The following TRAPPC10 variants were observed in gnomAD, a reference collection of about 807,000 sequenced individuals.
TRAPPC10 encodes the protein TRAPP 130 kDa subunit.
Under a neutral mutation model 125.5 loss-of-function variants are expected in TRAPPC10, and 23 were observed. That is an observed-to-expected ratio of 0.18 (90% confidence interval 0.13 to 0.26). The LOEUF (loss-of-function observed/expected upper bound fraction) is 0.26, where lower values mean the gene tolerates loss of function less well. Ranked by LOEUF, TRAPPC10 falls within the 10% of genes least tolerant of loss-of-function variation. The pLI is 1.00. For synonymous variants in TRAPPC10, 509 were observed against 518.0 expected, an observed-to-expected ratio of 0.98 and a Z score of 0.24; for missense variants, 1,123 against 1,308.4, an observed-to-expected ratio of 0.86 and a Z score of 2.19.
chr21:44,045,532 C>G (rs569546401), intron 3 of TRAPPC10, among the ~76,000 whole-genome samples: 4 of 151,344 alleles, frequency 2.6e-5, no homozygotes, highest in African/African-American at 9.7e-5. Context: ...GGCTTTTTTT[C>G]TTTGCATTTT....
chr21:44,085,708 TA>T (rs11417649), intron 15 of TRAPPC10, among the ~76,000 whole-genome samples: 173 of 145,298 alleles, frequency 1.2e-3, no homozygotes, highest in Middle Eastern at 3.6e-3. Context: ...CTCCATCTCT[TA>T]AAAAAAAAAA....
At chr21:44,026,708 G>A (rs2256441) in intron 1 of TRAPPC10, among the ~76,000 whole-genome samples, 52,694 of 152,122 alleles carry the variant, frequency 0.35, 13,252 homozygotes, top group African/African-American at 0.71. Flanking sequence ...ATAGAATCAT[G>A]GAACCTTGCT....
chr21:44,037,393 C>T (rs781110965), intron 2 of TRAPPC10, among the ~76,000 whole-genome samples: 13 of 152,170 alleles, frequency 8.5e-5, no homozygotes, highest in Non-Finnish European at 1.6e-4. Flanking sequence ...AATACGAATG[C>T]AACCCTAAAG....
intron 17 of TRAPPC10, chr21:44,089,378 C>G (rs1196686963): frequency 2.7e-6 from 1 of 368,924 alleles, no homozygotes; most frequent in African/African-American, 2.1e-5. Flanking sequence ...ACATATTCAG[C>G]CTCACATGGA....
intron 1 of TRAPPC10, among the ~76,000 whole-genome samples, chr21:44,015,449 G>A (rs1410376449): frequency 1.3e-5 from 2 of 151,816 alleles, no homozygotes; most frequent in Admixed American, 6.6e-5. Context: ...ATGGGGTCTC[G>A]CTCTGTCACC....
At chr21:44,020,977 A>G (rs1601554800) in intron 1 of TRAPPC10, among the ~76,000 whole-genome samples, 1 of 152,224 alleles carries the variant, frequency 6.6e-6, no homozygotes, top group Non-Finnish European at 1.5e-5. Flanking sequence ...GTTCACATGG[A>G]AGCAGGGAGT....
At position 44,013,150 on chromosome 21, in the gene TRAPPC10, C is replaced by G. The variant is rs543283960; in HGVS notation, c.67+590C>G. Among the ~76,000 whole-genome samples the G allele has an allele frequency of 9.2e-5, 14 of 151,866 alleles. No homozygotes were observed. In the South Asian group the frequency reaches 1.9e-3, roughly 20 times the overall value. On this transcript the variant is annotated intron_variant, in intron 1 of 22. Coordinates refer to ENST00000291574, the MANE Select transcript of TRAPPC10 (RefSeq NM_003274.5). ...GCCGAGGCTCGGGCGCTTAGGCGAG[C>G]TTGCTCCCCATGAACAGCCTCCCGC...
intron 3 of TRAPPC10, chr21:44,046,331 G>T: frequency 3.9e-6 from 1 of 258,186 alleles, no homozygotes; most frequent in Non-Finnish European, 8.5e-6. Flanking sequence ...TGAGAAACAA[G>T]GAATCCAGGC....
At chr21:44,079,726 A>G (rs1369140557) in intron 12 of TRAPPC10, 22 bp downstream of exon 12, 1 of 1,593,800 alleles carries the variant, frequency 6.3e-7, no homozygotes, top group Non-Finnish European at 8.5e-7. Context: ...TGTTTTCATG[A>G]AGCAGGAAAA....
In TRAPPC10 at chr21:44,080,087, G is replaced by C. The variant is rs761736757; in HGVS notation, c.1683G>C (p.Gln561His). ...LTEEERKHFC[Q>H]EILDFASQPS... ...AAGAGGAGCGCAAGCACTTCTGCCA[G>C]GAGATACTTGACTTTGCCAGCCAGC... Residue 561 changes from glutamine (Q) to histidine (H), a missense_variant, in exon 13 of 23, where the codon CAG becomes CAC. Coordinates refer to ENST00000291574, the MANE Select transcript of TRAPPC10 (RefSeq NM_003274.5). 9.9e-6 allele frequency: 16 copies of C among 1,614,046 alleles called. No individual in the cohort carries two copies. The highest frequency in any genetic ancestry group is 1.4e-5 in the Non-Finnish European group (16 of 1,180,036).
At chr21:44,026,708 G>T (rs2256441) in intron 1 of TRAPPC10, among the ~76,000 whole-genome samples, 91 of 152,166 alleles carry the variant, frequency 6.0e-4, no homozygotes, top group African/African-American at 2.1e-3. Flanking sequence ...ATAGAATCAT[G>T]GAACCTTGCT....
rs1414474325 is a variant in TRAPPC10, at chr21:44,077,887, G to A, written c.1469+103G>A. The A allele has an allele frequency of 5.0e-6, 4 of 796,504 alleles. No individual in the cohort carries two copies. The East Asian group carries it at 9.1e-5, about 18-fold the overall frequency. The allele number at this position is 796,504 out of a possible 1,614,324, so 49.3% of individuals were successfully genotyped here. ...TAAAGTGCACATAAATTTGTAGACTGAAAAGTGTAGATTCTCTTACCCAGT... is the reference window on the plus strand; with the variant it reads ...TAAAGTGCACATAAATTTGTAGACTAAAAAGTGTAGATTCTCTTACCCAGT... On this transcript the variant is annotated intron_variant, in intron 11 of 22. Transcript: ENST00000291574.
At chr21:44,030,504 G>T (rs1769837734) in intron 1 of TRAPPC10, among the ~76,000 whole-genome samples, 1 of 151,022 alleles carries the variant, frequency 6.6e-6, no homozygotes, top group Non-Finnish European at 1.5e-5. Context: ...TTTCGCTCTT[G>T]TTGCCCAGGC....
At position 44,024,143 on chromosome 21, in the gene TRAPPC10, T is replaced by A. The variant is rs1032842052; in HGVS notation, c.68-7948T>A. ...ATAAAATACATCATAAGTTCACTCT[T>A]TTTGATGAAAACTCAGGGCTGCAGG... On this transcript the variant is annotated intron_variant, in intron 1 of 22. Coordinates refer to ENST00000291574, the MANE Select transcript of TRAPPC10 (RefSeq NM_003274.5). Among the ~76,000 whole-genome samples, 2 of 152,226 alleles carry A rather than the reference T, an allele frequency of 1.3e-5. 1 individual carries two copies. Among genetic ancestry groups the A allele is most frequent in the Admixed American group, 1.3e-4 (2 of 15,286 alleles).
chr21:44,075,232 C>T (rs758029607), intron 9 of TRAPPC10, 79 bp downstream of exon 9: 78 of 1,074,028 alleles, frequency 7.3e-5, no homozygotes, highest in Admixed American at 5.9e-4. Flanking sequence ...CACATTTAAC[C>T]GAAGTTCTAA....
chr21:44,028,026 A>G (rs1774544127), intron 1 of TRAPPC10, among the ~76,000 whole-genome samples: 1 of 152,188 alleles, frequency 6.6e-6, no homozygotes, highest in Non-Finnish European at 1.5e-5. Flanking sequence ...ACAGAGTAAG[A>G]CATTGAATTT....
At position 44,087,108 on chromosome 21, in the gene TRAPPC10, G is replaced by C. The variant is rs1042807366; in HGVS notation, c.2539+148G>C. 4.5e-6 allele frequency: 4 copies of C among 887,532 alleles called. No individual in the cohort carries two copies. Among genetic ancestry groups the C allele is most frequent in the Non-Finnish European group, 3.4e-6 (2 of 593,014 alleles). 55.0% of individuals were successfully genotyped at this position (887,532 alleles called of 1,614,324 possible). ...GTGTTCCATAGGAGCCCTGCGGCCT[G>C]ATGCCTGTGCTGGGGTCCCATCTGA... On this transcript the variant is annotated intron_variant, in intron 16 of 22. Coordinates refer to ENST00000291574, the MANE Select transcript of TRAPPC10 (RefSeq NM_003274.5). The surrounding 1 kb of genome is among the most constrained non-coding windows in gnomAD (Gnocchi z 4.6).
At chr21:44,026,546 T>C (rs1336029171) in intron 1 of TRAPPC10, among the ~76,000 whole-genome samples, 1 of 152,260 alleles carries the variant, frequency 6.6e-6, no homozygotes, top group Non-Finnish European at 1.5e-5. Context: ...GACGGTGCCC[T>C]CTCTAATCCC....
rs182029665 is a variant in TRAPPC10, at chr21:44,063,506, A to G, written c.791-32A>G. The G allele has an allele frequency of 5.8e-4, 935 of 1,608,768 alleles. 1 individual carries two copies. Among genetic ancestry groups the G allele is most frequent in the Non-Finnish European group, 7.5e-4 (884 of 1,176,506 alleles). The stretch of plus-strand genomic sequence containing the variant: ...AGCTCAGGAAGGTGAAGTACCTGCA[A>G]TCAGCACCTTTCATGATGTGTGTTT... On this transcript the variant is annotated intron_variant, in intron 6 of 22. Transcript: ENST00000291574. The surrounding 1 kb of genome is among the most constrained non-coding windows in gnomAD (Gnocchi z 4.4).
Sources: allele counts gnomAD v4.1 joint callset (sites outside exome capture counted in the v4.1 genomes callset), GRCh38; gene constraint gnomAD v4.1.1; non-coding constraint Gnocchi (gnomAD v3.1); transcripts MANE v1.5; gene names NCBI Gene and HGNC (gene_info 2026-07-23, HGNC 2026-07-21).